The following ZMAT4 variants were observed in gnomAD, a reference collection of about 807,000 sequenced individuals.
ZMAT4 encodes the protein zinc finger matrin-type 4, also known as zinc finger matrin-type protein 4.
A neutral mutation model predicts 28.7 loss-of-function variants in ZMAT4; 17 were observed. The observed-to-expected ratio is 0.59, with a 90% CI of 0.41 to 0.89. ZMAT4 has a LOEUF of 0.89. Among genes scored for constraint, ZMAT4 ranks in the 40% least tolerant of loss-of-function variants. ZMAT4 has a pLI of 0.00. For synonymous variants in ZMAT4, 117 were observed against 109.2 expected (o/e 1.07, Z -0.44); for missense variants, 240 against 283.8 (o/e 0.85, Z 1.11).
intron 1 of ZMAT4, among the ~76,000 whole-genome samples, chr8:40,828,117 A>C (rs1156837808): frequency 6.6e-6 from 1 of 152,204 alleles, no homozygotes; most frequent in Non-Finnish European, 1.5e-5. Flanking sequence ...AAGGATTGCC[A>C]ATTCCAGTGC....
rs376413921 is a variant in ZMAT4 at position 40,599,701 on chromosome 8, G to A, written c.578-18440C>T. On this transcript the variant is annotated intron_variant, in intron 5 of 6. Transcript: ENST00000297737. ...TCCTACGTGTGGCTTTCTTCCCCAC[G>A]GCTATGCCTAAAGGCAGGTGGGAGA... 1.2e-4 allele frequency among the ~76,000 whole-genome samples: 18 copies of A among 152,328 alleles called. 1 individual carries two copies. Among genetic ancestry groups the A allele is most frequent in the East Asian group, 3.9e-4 (2 of 5,182 alleles).
At chr8:40,780,702 T>C (rs1813791191) in intron 2 of ZMAT4, among the ~76,000 whole-genome samples, 2 of 152,172 alleles carry the variant, frequency 1.3e-5, no homozygotes, top group African/African-American at 4.8e-5. Context: ...AGTAGGAATA[T>C]ATACCATGGC....
intron 5 of ZMAT4, among the ~76,000 whole-genome samples, chr8:40,605,398 T>TA: frequency 6.6e-6 from 1 of 152,220 alleles, no homozygotes; most frequent in African/African-American, 2.4e-5. Context: ...TCACTCAGTT[T>TA]AAAAAATTAT....
intron 1 of ZMAT4, among the ~76,000 whole-genome samples, chr8:40,879,555 A>T (rs887769387): frequency 5.9e-5 from 9 of 152,238 alleles, no homozygotes; most frequent in Non-Finnish European, 1.2e-4. Flanking sequence ...CCATGCCAGG[A>T]CGGATCCATA....
Position 40,807,960 on chromosome 8 carries a change from T to C in ZMAT4, c.102+17615A>G, listed in dbSNP as rs187088282. Among the ~76,000 whole-genome samples the C allele has an allele frequency of 6.9e-4, 105 of 152,336 alleles. No homozygotes were observed. The Middle Eastern group carries it at 0.014, about 20-fold the overall frequency. ...ATTTTTATAATTATTTCTTCAAACATGGTCTTGCCTTCCCAGTGCACATAG... is the reference window on the plus strand; with the variant it reads ...ATTTTTATAATTATTTCTTCAAACACGGTCTTGCCTTCCCAGTGCACATAG... On this transcript the variant is annotated intron_variant, in intron 2 of 6. Coordinates refer to ENST00000297737, the MANE Select transcript of ZMAT4 (RefSeq NM_024645.3).
chr8:40,825,519 T>C (rs1586123008), intron 2 of ZMAT4, 56 bp downstream of exon 2: 1 of 1,445,110 alleles, frequency 6.9e-7, no homozygotes, highest in Non-Finnish European at 9.5e-7. Flanking sequence ...CCTACAACAA[T>C]GACCCGGGCT....
chr8:40,674,666 C>A (rs371139056), intron 5 of ZMAT4, 38 bp downstream of exon 5: 3 of 1,545,504 alleles, frequency 1.9e-6, no homozygotes, highest in African/African-American at 1.4e-5. Flanking sequence ...TCTCTGAAAG[C>A]CCAGTTTTGT....
At chr8:40,786,611 T>C in intron 2 of ZMAT4, 1 of 1,071,382 alleles carries the variant, frequency 9.3e-7, no homozygotes, top group Non-Finnish European at 1.2e-6. Flanking sequence ...GTTATTCTCT[T>C]GTGAAATCTC....
chr8:40,636,512 T>A (rs1395130754), intron 5 of ZMAT4, among the ~76,000 whole-genome samples: 2 of 152,202 alleles, frequency 1.3e-5, no homozygotes, highest in African/African-American at 4.8e-5. Context: ...TGCCTCCACA[T>A]TTCTACAGCT....
chr8:40,596,119 C>T (rs568299597), intron 5 of ZMAT4, among the ~76,000 whole-genome samples: 1 of 151,784 alleles, frequency 6.6e-6, no homozygotes, highest in Non-Finnish European at 1.5e-5. Flanking sequence ...ACAAAAAAAA[C>T]CCCACAATAT....
At chr8:40,585,894 A>G (rs1804656501) in intron 5 of ZMAT4, among the ~76,000 whole-genome samples, 1 of 152,194 alleles carries the variant, frequency 6.6e-6, no homozygotes, top group Non-Finnish European at 1.5e-5. Context: ...AGTTCTCATA[A>G]CAAATAGAGG....
chr8:40,748,985 G>A (rs190457924), intron 3 of ZMAT4, among the ~76,000 whole-genome samples: 5 of 152,044 alleles, frequency 3.3e-5, no homozygotes, highest in Non-Finnish European at 4.4e-5. Flanking sequence ...TTGTGGAAGC[G>A]CATAAGTCTC....
At chr8:40,735,385 T>C (rs534916442) in intron 3 of ZMAT4, among the ~76,000 whole-genome samples, 4 of 152,342 alleles carry the variant, frequency 2.6e-5, no homozygotes, top group East Asian at 1.9e-4. Flanking sequence ...CAATGTTCTA[T>C]ACGTTTTGTA....
chr8:40,821,141 C>T lies in ZMAT4; in HGVS notation c.102+4434G>A, dbSNP rs118122735. On this transcript the variant is annotated intron_variant, in intron 2 of 6. Transcript: ENST00000297737. ...CACACACATATATCATCTTTCTGCCCTGTACTTTTTTCTTTTTCCTACGTT... is the reference window on the plus strand; with the variant it reads ...CACACACATATATCATCTTTCTGCCTTGTACTTTTTTCTTTTTCCTACGTT... Among the ~76,000 whole-genome samples, 1,087 of 152,018 alleles carry T rather than the reference C, an allele frequency of 7.2e-3. 6 individuals are homozygous for T. Among genetic ancestry groups the T allele is most frequent in the Non-Finnish European group, 0.011 (728 of 67,956 alleles).
rs562419775 is a variant in ZMAT4, at chr8:40,872,231, C to A, written c.-5+25452G>T. On this transcript the variant is annotated intron_variant, in intron 1 of 6. Transcript: ENST00000297737. ...TGCATGCACACACGCACACACTGAG[C>A]AGGCAAGCCTCTGCTCCAGGCAGAA... 1.3e-3 allele frequency among the ~76,000 whole-genome samples: 201 copies of A among 152,322 alleles called. 2 individuals carry two copies. The highest frequency in any genetic ancestry group is 4.6e-3 in the African/African-American group (191 of 41,572).
chr8:40,651,273 T>C (rs1807633619), intron 5 of ZMAT4, among the ~76,000 whole-genome samples: 1 of 152,012 alleles, frequency 6.6e-6, no homozygotes. Flanking sequence ...AGCATTCTTA[T>C]ACACCAACAA....
intron 2 of ZMAT4, among the ~76,000 whole-genome samples, chr8:40,797,429 G>GCCCA (rs1277654524): frequency 2.0e-5 from 3 of 152,158 alleles, no homozygotes; most frequent in African/African-American, 7.2e-5. Context: ...CATTCTAAGA[G>GCCCA]CCCAATACAT....
At chr8:40,794,992 A>G (rs551171036) in intron 2 of ZMAT4, among the ~76,000 whole-genome samples, 1 of 152,254 alleles carries the variant, frequency 6.6e-6, no homozygotes, top group East Asian at 1.9e-4. Context: ...ACAGATGCAG[A>G]AACACTCTGT....
intron 1 of ZMAT4, among the ~76,000 whole-genome samples, chr8:40,862,408 T>C (rs1195564032): frequency 1.2e-5 from 1 of 83,554 alleles, no homozygotes; most frequent in East Asian, 3.6e-4. Flanking sequence ...TATCACACTC[T>C]GGGGACTGTG....
Sources: gnomAD v4.1 joint callset for allele counts (sites outside exome capture counted in the v4.1 genomes callset) on GRCh38, gnomAD v4.1.1 for gene constraint, MANE v1.5 for transcripts, NCBI Gene and HGNC (gene_info 2026-07-23, HGNC 2026-07-21) for gene names.